Variants in RFTN1 observed in about 807,000 individuals in gnomAD.
RFTN1 encodes raftlin, lipid raft linker 1.
RFTN1 carries 26 observed loss-of-function variants against 46.5 expected under a neutral mutation model. That is an observed-to-expected ratio of 0.56 (90% CI 0.41 to 0.78). RFTN1 has a LOEUF of 0.78. RFTN1 is among the 30% of genes least tolerant of loss of function. The pLI is 0.00. For synonymous variants in RFTN1, 261 were observed against 284.2 expected, an observed-to-expected ratio of 0.92 and a Z score of 0.82; for missense variants, 693 against 718.7, an observed-to-expected ratio of 0.96 and a Z score of 0.41.
At chr3:16,438,351 G>A (rs1015878930) in intron 2 of RFTN1, among the ~76,000 whole-genome samples, 12 of 151,902 alleles carry the variant, frequency 7.9e-5, no homozygotes, top group African/African-American at 4.8e-5. Context: ...TTAGGAGGCC[G>A]AGGCGGGTGG....
Position 16,452,252 on chromosome 3 carries a change from C to T in RFTN1, c.146-18215G>A, listed in dbSNP as rs1049666480. 2.0e-5 allele frequency among the ~76,000 whole-genome samples: 3 copies of T among 151,280 alleles called. No homozygotes were observed. The highest frequency in any genetic ancestry group is 7.3e-5 in the African/African-American group (3 of 41,090). On this transcript the variant is annotated intron_variant, in intron 2 of 9. Coordinates refer to ENST00000334133, the MANE Select transcript of RFTN1 (RefSeq NM_015150.2). The surrounding 1 kb of genome is among the most constrained non-coding windows in gnomAD (Gnocchi z 6.3). ...TGAATGAGAGTTATTCATAAGAAGC[C>T]AAAGATTCTAAAGAAAACTAAAAAA...
Position 16,380,745 on chromosome 3 carries a change from A to T in RFTN1, c.442-2643T>A, listed in dbSNP as rs1024978406. Among the ~76,000 whole-genome samples, 5 of 152,208 alleles carry T rather than the reference A, an allele frequency of 3.3e-5. No homozygotes were observed. The highest frequency in any genetic ancestry group is 3.3e-4 in the Admixed American group (5 of 15,286). On this transcript the variant is annotated intron_variant, in intron 4 of 9. Transcript: ENST00000334133. The surrounding 1 kb of genome is among the most constrained non-coding windows in gnomAD (Gnocchi z 4.8). ...ATTCCAATGCAGCCTGATGTTTGAG[A>T]ATCACTGCTCTAGAATACACATTTC...
chr3:16,431,065 C>A (rs1030423591), intron 3 of RFTN1, among the ~76,000 whole-genome samples: 3 of 152,188 alleles, frequency 2.0e-5, no homozygotes, highest in African/African-American at 7.2e-5. Context: ...GCAAGCCTTG[C>A]AAATCATGTA....
intron 8 of RFTN1, among the ~76,000 whole-genome samples, chr3:16,324,945 T>C (rs2069546076): frequency 6.6e-6 from 1 of 152,064 alleles, no homozygotes; most frequent in African/African-American, 2.4e-5. Flanking sequence ...CCACCAAGAG[T>C]GTACAAGGGT....
rs2075322897 is a variant in RFTN1 at position 16,428,337 on chromosome 3, C to T, written c.332+5514G>A. 6.6e-6 allele frequency among the ~76,000 whole-genome samples: 1 copy of T among 152,334 alleles called. No individual in the cohort carries two copies. The highest frequency in any genetic ancestry group is 2.1e-4 in the South Asian group (1 of 4,828). On this transcript the variant is annotated intron_variant, in intron 3 of 9. Coordinates refer to ENST00000334133, the MANE Select transcript of RFTN1 (RefSeq NM_015150.2). This position sits in a 1 kb window ranked among gnomAD's most constrained non-coding sequence, Gnocchi z 4.7. ...TCACTATAAACCCAAACCAGCTTAC[C>T]TCCCCTTGGGGTTCACTGTTGGAAA...
chr3:16,397,822 T>TG (rs2074505090), intron 4 of RFTN1, among the ~76,000 whole-genome samples: 1 of 151,970 alleles, frequency 6.6e-6, no homozygotes, highest in African/African-American at 2.4e-5. Flanking sequence ...TCTCTCACCT[T>TG]GAAAAATAGA....
Position 16,383,991 on chromosome 3 carries a change from T to A in RFTN1, c.442-5889A>T, listed in dbSNP as rs543026857. On this transcript the variant is annotated intron_variant, in intron 4 of 9. Transcript: ENST00000334133. This position sits in a 1 kb window ranked among gnomAD's most constrained non-coding sequence, Gnocchi z 4.0. ...TAGATGTTGCTGTAAAGGTATTTTT[T>A]AAATGTGTGATTAACATTTACTATC... Among the ~76,000 whole-genome samples the A allele has an allele frequency of 6.6e-6, 1 of 152,394 alleles. No individual in the cohort carries two copies. Among genetic ancestry groups the A allele is most frequent in the East Asian group, 1.9e-4 (1 of 5,194 alleles).
intron 2 of RFTN1, among the ~76,000 whole-genome samples, chr3:16,493,016 C>A (rs144822269): frequency 1.1e-4 from 17 of 152,342 alleles, no homozygotes; most frequent in Admixed American, 3.9e-4. Flanking sequence ...CAAAGCCAAG[C>A]CCAGATGAAT....
chr3:16,333,805 A>G (rs1357362430), intron 7 of RFTN1, among the ~76,000 whole-genome samples: 1 of 152,230 alleles, frequency 6.6e-6, no homozygotes, highest in East Asian at 1.9e-4. Context: ...ATGAAGAGAG[A>G]TCACAGAAGA....
At chr3:16,486,528 G>A (rs116609822) in intron 2 of RFTN1, among the ~76,000 whole-genome samples, 4 of 152,088 alleles carry the variant, frequency 2.6e-5, no homozygotes, top group Non-Finnish European at 1.5e-5. Flanking sequence ...TCTCCTCTTC[G>A]TGAAAAGATT....
Position 16,370,405 on chromosome 3 carries a change from T to C in RFTN1, c.827-126A>G, listed in dbSNP as rs1156483175. On this transcript the variant is annotated intron_variant, in intron 5 of 9. Coordinates refer to ENST00000334133, the MANE Select transcript of RFTN1 (RefSeq NM_015150.2). This position sits in a 1 kb window ranked among gnomAD's most constrained non-coding sequence, Gnocchi z 5.5. Reference sequence around the variant, plus strand: ...GATATGATGAATGCTGAAATCTCTGTGAGGCTGTATTGTTGCCAGATAATA... The same window carrying C: ...GATATGATGAATGCTGAAATCTCTGCGAGGCTGTATTGTTGCCAGATAATA... 9 of 891,474 alleles carry C rather than the reference T, an allele frequency of 1.0e-5. No individual in the cohort carries two copies. The highest frequency in any genetic ancestry group is 1.6e-5 in the Non-Finnish European group (9 of 554,840). 55.2% of individuals were successfully genotyped at this position (891,474 alleles called of 1,614,324 possible).
intron 2 of RFTN1, among the ~76,000 whole-genome samples, chr3:16,487,152 C>G (rs1041750972): frequency 7.2e-5 from 11 of 152,220 alleles, no homozygotes; most frequent in African/African-American, 2.7e-4. Flanking sequence ...TTAAGCCAGT[C>G]TGTGGTATTT....
intron 4 of RFTN1, among the ~76,000 whole-genome samples, chr3:16,394,330 T>A (rs2074419816): frequency 6.6e-6 from 1 of 152,168 alleles, no homozygotes; most frequent in African/African-American, 2.4e-5. Flanking sequence ...GAGCTATGAC[T>A]GCACCACTGC....
At chr3:16,502,522 T>C (rs2076728973) in intron 1 of RFTN1, among the ~76,000 whole-genome samples, 1 of 152,222 alleles carries the variant, frequency 6.6e-6, no homozygotes, top group African/African-American at 2.4e-5. Flanking sequence ...AGGGCTGACC[T>C]GTGTAACCAG....
intron 4 of RFTN1, among the ~76,000 whole-genome samples, chr3:16,398,951 G>A (rs917158267): frequency 3.7e-4 from 56 of 152,274 alleles, no homozygotes; most frequent in African/African-American, 1.2e-3. Flanking sequence ...CTGCAGTGAC[G>A]ACAAAGGAGT....
chr3:16,364,963 C>G (rs910326548), intron 6 of RFTN1, among the ~76,000 whole-genome samples: 1 of 152,176 alleles, frequency 6.6e-6, no homozygotes, highest in Non-Finnish European at 1.5e-5. Context: ...GTGTGCTCAC[C>G]TTGTGAAAAG....
rs527869563 is a variant in RFTN1, at chr3:16,332,522, G to T, written c.1147-5646C>A. 3.3e-5 allele frequency among the ~76,000 whole-genome samples: 5 copies of T among 151,488 alleles called. No homozygotes were observed. The East Asian group carries it at 9.9e-4, about 30-fold the overall frequency. ...ACATTATCTCCACGGTTCCCAGGTT[G>T]CATGTGACAGAGATGGGGAACTAGG... On this transcript the variant is annotated intron_variant, in intron 7 of 9. Transcript: ENST00000334133.
rs2125226196 is a variant in RFTN1 at position 16,326,869 on chromosome 3, T to TGGGG, written c.1153_1154insCCCC (p.Glu385AlafsTer82). 1 of 1,613,556 alleles carries TGGGG rather than the reference T, an allele frequency of 6.2e-7. No individual in the cohort carries two copies. The highest frequency in any genetic ancestry group is 2.2e-5 in the East Asian group (1 of 44,868). On this transcript the variant is annotated frameshift_variant, in exon 8 of 10. Transcript: ENST00000334133. LOFTEE classifies it high-confidence loss of function. ...CAGGGGCACGTAGTCTGTCTGCACT[T>TGGGG]CGACACCCTGGGGGAACAAGGCCAG...
In RFTN1 at chr3:16,446,752, C is replaced by T. The variant is rs918528914; in HGVS notation, c.146-12715G>A. On this transcript the variant is annotated intron_variant, in intron 2 of 9. Coordinates refer to ENST00000334133, the MANE Select transcript of RFTN1 (RefSeq NM_015150.2). This position sits in a 1 kb window ranked among gnomAD's most constrained non-coding sequence, Gnocchi z 4.5. ...AAAACAAGAGATTTCCCAAAAAGTGCGGTACCCGAGGGTATGAGCACACTT... is the reference window on the plus strand; with the variant it reads ...AAAACAAGAGATTTCCCAAAAAGTGTGGTACCCGAGGGTATGAGCACACTT... 2.0e-5 allele frequency among the ~76,000 whole-genome samples: 3 copies of T among 152,208 alleles called. No homozygotes were observed. Among genetic ancestry groups the T allele is most frequent in the African/African-American group, 4.8e-5 (2 of 41,504 alleles).
Sources: gnomAD v4.1 joint callset for allele counts (sites outside exome capture counted in the v4.1 genomes callset) on GRCh38, gnomAD v4.1.1 for gene constraint, Gnocchi (gnomAD v3.1) non-coding constraint, MANE v1.5 for transcripts, NCBI Gene and HGNC (gene_info 2026-07-23, HGNC 2026-07-21) for gene names.